Variants in XXYLT1 observed in about 807,000 individuals in gnomAD.
The protein encoded by XXYLT1 is UDP-xylose:alpha-xyloside alpha-1,3-xylosyltransferase.
Under a neutral mutation model 28.9 loss-of-function variants are expected in XXYLT1, and 20 were observed. The observed-to-expected ratio is 0.69, with a 90% CI of 0.49 to 1.00. XXYLT1 has a LOEUF of 1.00. XXYLT1 is among the 50% of genes least tolerant of loss of function. XXYLT1 has a pLI of 0.00. For synonymous variants in XXYLT1, 257 were observed against 253.8 expected (o/e 1.01, Z -0.12); for missense variants, 542 against 560.1 (o/e 0.97, Z 0.33).
At chr3:195,204,591 G>C (rs539930171) in intron 2 of XXYLT1, among the ~76,000 whole-genome samples, 2 of 152,018 alleles carry the variant, frequency 1.3e-5, no homozygotes, top group East Asian at 3.9e-4. Context: ...CAGAAGACCA[G>C]TCCTGGCAGC....
At chr3:195,191,287 C>T (rs1432034784) in intron 2 of XXYLT1, among the ~76,000 whole-genome samples, 1 of 152,180 alleles carries the variant, frequency 6.6e-6, no homozygotes, top group African/African-American at 2.4e-5. Context: ...AGACCAATCC[C>T]TCCTTTTCTC....
At chr3:195,189,625 A>C (rs1048285677) in intron 2 of XXYLT1, among the ~76,000 whole-genome samples, 2 of 152,212 alleles carry the variant, frequency 1.3e-5, no homozygotes, top group African/African-American at 4.8e-5. Flanking sequence ...GAATCAATGA[A>C]CTTGTACATA....
intron 3 of XXYLT1, among the ~76,000 whole-genome samples, chr3:195,148,262 T>C (rs763449086): frequency 2.1e-4 from 32 of 152,354 alleles, no homozygotes; most frequent in Non-Finnish European, 4.3e-4. Flanking sequence ...CCCTCCCTTT[T>C]TATGAGTAAT....
In XXYLT1 at chr3:195,271,143, C is replaced by T; in HGVS notation, c.-85G>A. On this transcript the variant is annotated 5_prime_UTR_variant, in exon 1 of 4. Coordinates refer to ENST00000310380, the MANE Select transcript of XXYLT1 (RefSeq NM_152531.5). ...GACGCCGGCGGCCACTTAGCCCCGGCGCCAGGCGGCGGCCATGAAAGGGGC... is the reference window on the plus strand; with the variant it reads ...GACGCCGGCGGCCACTTAGCCCCGGTGCCAGGCGGCGGCCATGAAAGGGGC... 1.6e-6 allele frequency: 2 copies of T among 1,254,022 alleles called. No individual in the cohort carries two copies. The highest frequency in any genetic ancestry group is 2.0e-6 in the Non-Finnish European group (2 of 1,000,566). 77.7% of individuals were successfully genotyped at this position (1,254,022 alleles called of 1,614,324 possible).
At chr3:195,214,931 G>C (rs1723501112) in intron 2 of XXYLT1, 1 of 151,958 alleles carries the variant, frequency 6.6e-6, no homozygotes, top group African/African-American at 2.4e-5. Context: ...GAAAGGTCGG[G>C]TTACCCTCAA....
intron 2 of XXYLT1, among the ~76,000 whole-genome samples, chr3:195,191,832 C>T (rs537525517): frequency 4.1e-4 from 62 of 152,220 alleles, no homozygotes; most frequent in African/African-American, 1.2e-3. Flanking sequence ...CATATGCATA[C>T]GCACCTAAAA....
intron 2 of XXYLT1, among the ~76,000 whole-genome samples, chr3:195,169,057 G>C (rs1474946334): frequency 6.6e-6 from 1 of 152,240 alleles, no homozygotes; most frequent in Non-Finnish European, 1.5e-5. Flanking sequence ...AGGCTTAGCA[G>C]GGTCTGATTG....
chr3:195,231,686 AT>A (rs1250865068), intron 1 of XXYLT1, among the ~76,000 whole-genome samples: 2 of 151,822 alleles, frequency 1.3e-5, no homozygotes, highest in Admixed American at 1.3e-4. Context: ...TATCACACTG[AT>A]TGGTTTGTGA....
chr3:195,210,289 G>A lies in XXYLT1; in HGVS notation c.652+16420C>T, dbSNP rs529636959. On this transcript the variant is annotated intron_variant, in intron 2 of 3. Coordinates refer to ENST00000310380, the MANE Select transcript of XXYLT1 (RefSeq NM_152531.5). This position sits in a 1 kb window ranked among gnomAD's most constrained non-coding sequence, Gnocchi z 4.8. Reference sequence around the variant, plus strand: ...CAGGACGCTGCTCTGCTGACCTCTCGCCTCTTGCTCCCTGTGTGACACCCA... The same window carrying A: ...CAGGACGCTGCTCTGCTGACCTCTCACCTCTTGCTCCCTGTGTGACACCCA... Among the ~76,000 whole-genome samples, 9 of 152,300 alleles carry A rather than the reference G, an allele frequency of 5.9e-5. No homozygotes were observed. Among genetic ancestry groups the A allele is most frequent in the Non-Finnish European group, 1.0e-4 (7 of 68,032 alleles).
At chr3:195,087,682 A>C (rs9823497) in intron 3 of XXYLT1, among the ~76,000 whole-genome samples, 23,859 of 152,232 alleles carry the variant, frequency 0.16, 2,148 homozygotes, top group East Asian at 0.34. Context: ...TGGAGGAGCC[A>C]AGATGGCCGA....
intron 1 of XXYLT1, among the ~76,000 whole-genome samples, chr3:195,233,251 T>C (rs1041023562): frequency 6.6e-6 from 1 of 152,214 alleles, no homozygotes; most frequent in African/African-American, 2.4e-5. Context: ...TTTCAGTCTA[T>C]GTGTGTTTTT....
intron 2 of XXYLT1, among the ~76,000 whole-genome samples, chr3:195,218,333 G>C (rs1259785066): frequency 2.0e-5 from 3 of 151,088 alleles, no homozygotes; most frequent in African/African-American, 7.3e-5. Context: ...TTAAACTAAA[G>C]AGCTTCTGCA....
Position 195,270,703 on chromosome 3 carries a change from C to A in XXYLT1, c.356G>T (p.Arg119Leu). 1.3e-6 allele frequency: 2 copies of A among 1,590,054 alleles called. No individual in the cohort carries two copies. The highest frequency in any genetic ancestry group is 1.1e-5 in the South Asian group (1 of 88,536). The change falls in exon 1 of 4, where the codon CGC becomes CTC. Residue 119 changes from arginine to leucine, a missense_variant. Arg to Leu is a moderately radical substitution (Grantham distance 102). Coordinates refer to ENST00000310380, the MANE Select transcript of XXYLT1 (RefSeq NM_152531.5). Reference protein sequence around the residue: ...EHNAALQAKARVALRSLLRLA... With the variant: ...EHNAALQAKALVALRSLLRLA... ...GCGCAGCAGTGAGCGCAGCGCGACGCGGGCCTTGGCCTGCAGCGCGGCATT... is the reference window on the plus strand; with the variant it reads ...GCGCAGCAGTGAGCGCAGCGCGACGAGGGCCTTGGCCTGCAGCGCGGCATT...
At chr3:195,100,991 C>A (rs895080328) in intron 3 of XXYLT1, among the ~76,000 whole-genome samples, 2 of 152,254 alleles carry the variant, frequency 1.3e-5, no homozygotes, top group Non-Finnish European at 2.9e-5. Flanking sequence ...TATAACTAGC[C>A]TTTTCCAAGA....
intron 1 of XXYLT1, 160 bp downstream of exon 1, chr3:195,270,395 G>A (rs1489140703): frequency 1.0e-6 from 1 of 980,448 alleles, no homozygotes; most frequent in Non-Finnish European, 1.2e-6. Flanking sequence ...ACACGCCCCC[G>A]AACGAGCCCT....
At chr3:195,237,468 C>G (rs1182112027) in intron 1 of XXYLT1, among the ~76,000 whole-genome samples, 1 of 152,118 alleles carries the variant, frequency 6.6e-6, no homozygotes, top group African/African-American at 2.4e-5. Flanking sequence ...CTTTCCTACC[C>G]TCTGCAGTGC....
intron 2 of XXYLT1, among the ~76,000 whole-genome samples, chr3:195,198,352 T>C (rs1392835376): frequency 6.6e-6 from 1 of 152,024 alleles, no homozygotes. Context: ...CCCCCTGAGT[T>C]TCAAAAAAGA....
rs73069014 is a variant in XXYLT1 at position 195,242,361 on chromosome 3, A to T, written c.505-15505T>A. On this transcript the variant is annotated intron_variant, in intron 1 of 3. Coordinates refer to ENST00000310380, the MANE Select transcript of XXYLT1 (RefSeq NM_152531.5). ...CTGCTAGACAGAAGACCCGGGCTAC[A>T]ATCACTCTCTTTGTCAGTAGGAGCT... 2.9e-3 allele frequency among the ~76,000 whole-genome samples: 441 copies of T among 152,290 alleles called. 2 individuals are homozygous for T. Among genetic ancestry groups the T allele is most frequent in the Middle Eastern group, 0.017 (5 of 294 alleles).
chr3:195,230,127 T>C (rs1304148455), intron 1 of XXYLT1, among the ~76,000 whole-genome samples: 1 of 152,252 alleles, frequency 6.6e-6, no homozygotes, highest in Non-Finnish European at 1.5e-5. Flanking sequence ...ATTTTTCTGA[T>C]GATCAATGAT....
Sources: allele counts gnomAD v4.1 joint callset (sites outside exome capture counted in the v4.1 genomes callset), GRCh38; gene constraint gnomAD v4.1.1; non-coding constraint Gnocchi (gnomAD v3.1); transcripts MANE v1.5; gene names NCBI Gene and HGNC (gene_info 2026-07-23, HGNC 2026-07-21).